The following CDH12 variants were observed in gnomAD, a reference collection of about 807,000 sequenced individuals.
The protein encoded by CDH12 is cadherin-12.
In CDH12, 41 loss-of-function variants were observed where a neutral mutation model predicts 74.1. That is an observed-to-expected ratio of 0.55 (90% CI 0.43 to 0.72). The LOEUF (loss-of-function observed/expected upper bound fraction) is 0.72, where lower values mean the gene tolerates loss of function less well. Among genes scored for constraint, CDH12 ranks in the 30% least tolerant of loss-of-function variants. The pLI is 0.00. For synonymous variants in CDH12, 399 were observed against 355.0 expected, an observed-to-expected ratio of 1.12 and a Z score of -1.39; for missense variants, 945 against 977.2, an observed-to-expected ratio of 0.97 and a Z score of 0.44.
chr5:22,005,576 TA>T (rs34608588), intron 5 of CDH12, among the ~76,000 whole-genome samples: 40,534 of 142,506 alleles, frequency 0.28, 5,934 homozygotes, highest in African/African-American at 0.41. Context: ...GTGATCTACT[TA>T]AAAAAAAAAA....
chr5:21,885,533 G>T (rs1752584307), intron 6 of CDH12, among the ~76,000 whole-genome samples: 1 of 152,136 alleles, frequency 6.6e-6, no homozygotes, highest in Non-Finnish European at 1.5e-5. Flanking sequence ...AACACAATTT[G>T]TAGATAGCAA....
chr5:22,198,238 C>T (rs984218392), intron 4 of CDH12, among the ~76,000 whole-genome samples: 69 of 151,874 alleles, frequency 4.5e-4, no homozygotes, highest in African/African-American at 1.7e-3. Flanking sequence ...TGTCAGTCAC[C>T]CCAAAAACGT....
chr5:22,765,653 C>T (rs528467777), intron 1 of CDH12, among the ~76,000 whole-genome samples: 3 of 151,930 alleles, frequency 2.0e-5, no homozygotes, highest in South Asian at 2.1e-4. Flanking sequence ...TGTTTAAAAG[C>T]GTTTTTGTGA....
At chr5:22,635,296 A>G (rs1738783159) in intron 1 of CDH12, among the ~76,000 whole-genome samples, 2 of 152,186 alleles carry the variant, frequency 1.3e-5, no homozygotes, top group Non-Finnish European at 2.9e-5. Flanking sequence ...ACACACATGC[A>G]AAAGAATGAA....
At chr5:22,504,772 C>G (rs1172789324) in intron 2 of CDH12, among the ~76,000 whole-genome samples, 1 of 151,930 alleles carries the variant, frequency 6.6e-6, no homozygotes, top group African/African-American at 2.4e-5. Context: ...TATCAATATT[C>G]GTAAAGAAGA....
chr5:22,255,011 T>C (rs1013263292), intron 3 of CDH12, among the ~76,000 whole-genome samples: 24 of 151,952 alleles, frequency 1.6e-4, no homozygotes, highest in Non-Finnish European at 2.7e-4. Context: ...TTTGTACCCA[T>C]TAATTCTTTC....
intron 1 of CDH12, among the ~76,000 whole-genome samples, chr5:22,570,995 T>C (rs1252722896): frequency 6.6e-6 from 1 of 152,228 alleles, no homozygotes; most frequent in South Asian, 2.1e-4. Flanking sequence ...TCTTAAACTT[T>C]GTAAGCCAAA....
chr5:22,144,460 A>G (rs567623786), intron 4 of CDH12, among the ~76,000 whole-genome samples: 6 of 152,180 alleles, frequency 3.9e-5, no homozygotes, highest in African/African-American at 9.6e-5. Context: ...CAAGTGCAAT[A>G]AAGACACATA....
At chr5:22,316,656 A>G (rs557444733) in intron 3 of CDH12, among the ~76,000 whole-genome samples, 2 of 152,210 alleles carry the variant, frequency 1.3e-5, no homozygotes, top group South Asian at 4.1e-4. Flanking sequence ...CTATACCCAT[A>G]ATACCCTATG....
chr5:22,090,835 G>A (rs894200313), intron 4 of CDH12, among the ~76,000 whole-genome samples: 16 of 151,838 alleles, frequency 1.1e-4, no homozygotes, highest in African/African-American at 3.4e-4. Context: ...AACAAACAGA[G>A]GATCATGTCA....
chr5:21,798,953 C>A (rs187318187), intron 10 of CDH12, among the ~76,000 whole-genome samples: 41 of 152,146 alleles, frequency 2.7e-4, no homozygotes, highest in Non-Finnish European at 5.4e-4. Flanking sequence ...GTAAGGGGTA[C>A]AGGCTGGAAG....
At chr5:22,529,089 A>C (rs1480464595) in intron 1 of CDH12, among the ~76,000 whole-genome samples, 2 of 146,912 alleles carry the variant, frequency 1.4e-5, no homozygotes, top group African/African-American at 5.0e-5. Flanking sequence ...ATATGCATGC[A>C]AAACATGAAT....
chr5:22,310,082 T>C (rs1738314895), intron 3 of CDH12, among the ~76,000 whole-genome samples: 1 of 151,966 alleles, frequency 6.6e-6, no homozygotes, highest in Admixed American at 6.6e-5. Flanking sequence ...CAAGCCACCA[T>C]GGCACATGTA....
chr5:22,678,832 T>C (rs565695749), intron 1 of CDH12, among the ~76,000 whole-genome samples: 2 of 152,142 alleles, frequency 1.3e-5, no homozygotes, highest in Non-Finnish European at 2.9e-5. Flanking sequence ...TTGAAAGCTC[T>C]CTCCTTACCT....
intron 1 of CDH12, chr5:22,580,117 A>T (rs1318239962): frequency 4.1e-6 from 1 of 244,170 alleles, no homozygotes; most frequent in Non-Finnish European, 8.2e-6. Context: ...CCCTGCCCCA[A>T]ATAGGACCTC....
chr5:22,434,360 C>A (rs1162501299), intron 2 of CDH12, among the ~76,000 whole-genome samples: 2 of 152,112 alleles, frequency 1.3e-5, no homozygotes, highest in African/African-American at 4.8e-5. Context: ...ACTATTTTCA[C>A]ATCTTCAAAT....
chr5:22,073,125 C>T (rs1199357468), intron 5 of CDH12, among the ~76,000 whole-genome samples: 1 of 152,114 alleles, frequency 6.6e-6, no homozygotes, highest in African/African-American at 2.4e-5. Flanking sequence ...TAGAGACCTT[C>T]ATAGTTACAT....
chr5:22,501,911 T>A (rs991527500), intron 2 of CDH12, among the ~76,000 whole-genome samples: 1 of 152,120 alleles, frequency 6.6e-6, no homozygotes, highest in African/African-American at 2.4e-5. Context: ...TCATCACTGC[T>A]GAAAGGCAAT....
chr5:22,726,131 TATTC>T (rs1170314120), intron 1 of CDH12, among the ~76,000 whole-genome samples: 1 of 151,752 alleles, frequency 6.6e-6, no homozygotes, highest in Non-Finnish European at 1.5e-5. Flanking sequence ...CAATGACACA[TATTC>T]ATCATGATAA....
Sources: gnomAD v4.1 joint callset for allele counts (sites outside exome capture counted in the v4.1 genomes callset) on GRCh38, gnomAD v4.1.1 for gene constraint, MANE v1.5 for transcripts, NCBI Gene and HGNC (gene_info 2026-07-23, HGNC 2026-07-21) for gene names.